Variants in PTPRF observed in about 807,000 individuals in gnomAD.
PTPRF encodes receptor-type tyrosine-protein phosphatase F.
In PTPRF, 59 loss-of-function variants were observed where a neutral mutation model predicts 201.8. That is an observed-to-expected ratio of 0.29 (90% CI 0.24 to 0.36). The LOEUF is 0.36. Ranked by LOEUF, PTPRF falls within the 10% of genes least tolerant of loss-of-function variation. The pLI, the probability that PTPRF is intolerant of heterozygous loss-of-function variation, is 1.00. For missense variants in PTPRF, 2,132 were observed against 2,690.5 expected, an observed-to-expected ratio of 0.79 and a Z score of 4.59; for synonymous variants, 1,088 against 1,089.7, an observed-to-expected ratio of 1.00 and a Z score of 0.03.
At chr1:43,564,508 G>A (rs1250916430) in intron 5 of PTPRF, among the ~76,000 whole-genome samples, 1 of 152,186 alleles carries the variant, frequency 6.6e-6, no homozygotes, top group Admixed American at 6.5e-5. Context: ...GCTTGCATGC[G>A]CCTGTTTCCA....
chr1:43,576,009 C>CTCCCCA (rs770431770), intron 6 of PTPRF: 1 of 1,277,470 alleles, frequency 7.8e-7, no homozygotes, highest in Admixed American at 2.1e-5. Flanking sequence ...AGTCTGTCAC[C>CTCCCCA]TCCCCATCCC....
intron 7 of PTPRF, among the ~76,000 whole-genome samples, chr1:43,580,794 T>TC (rs1195813043): frequency 6.6e-6 from 1 of 152,222 alleles, no homozygotes; most frequent in Non-Finnish European, 1.5e-5. Flanking sequence ...GAGTGGCAGT[T>TC]CCAGGCCTCA....
intron 21 of PTPRF, among the ~76,000 whole-genome samples, chr1:43,608,080 T>A (rs1487335681): frequency 6.6e-6 from 1 of 152,224 alleles, no homozygotes; most frequent in Non-Finnish European, 1.5e-5. Flanking sequence ...AAGAGTCCAC[T>A]CCTTCCTCCC....
chr1:43,526,343 C>T (rs1372557551), upstream of PTPRF, among the ~76,000 whole-genome samples: 1 of 152,076 alleles, frequency 6.6e-6, no homozygotes, highest in African/African-American at 2.4e-5. Context: ...TGCTGTAATC[C>T]CAGCGCTTTG....
Position 43,605,354 on chromosome 1 carries a change from G to T in PTPRF, c.3300G>T (p.Leu1100=). The change falls in exon 18 of 34, where the codon CTG becomes CTT. Residue 1100 remains leucine, a synonymous_variant. Transcript: ENST00000359947. ...CCATCCGCACAGCCCCCGACCTCCT[G>T]CCTCACAAGCCGCTGCCTGCCTCTG... The part of the protein sequence containing the change: ...LVSIRTAPDL[L]PHKPLPASAY... 6.2e-7 allele frequency: 1 copy of T among 1,613,878 alleles called. No individual in the cohort carries two copies. Among genetic ancestry groups the T allele is most frequent in the Non-Finnish European group, 8.5e-7 (1 of 1,179,980 alleles).
Position 43,582,082 on chromosome 1 carries a change from G to A in PTPRF, c.679+3162G>A, listed in dbSNP as rs75380754. On this transcript the variant is annotated intron_variant, in intron 7 of 33. Transcript: ENST00000359947. ...CTGTGTCCACTGGCCGCAAGGCTTC[G>A]TCTCCTCATCAGACTTGGCTTCGGT... Among the ~76,000 whole-genome samples the A allele has an allele frequency of 3.5e-3, 526 of 152,306 alleles. 1 individual carries two copies. The highest frequency in any genetic ancestry group is 0.012 in the African/African-American group (495 of 41,572).
chr1:43,556,098 A>C (rs974500677), intron 5 of PTPRF, among the ~76,000 whole-genome samples: 3 of 152,226 alleles, frequency 2.0e-5, no homozygotes, highest in African/African-American at 7.2e-5. Context: ...TGCCAAGTTA[A>C]TAGGCAAAAA....
At position 43,588,010 on chromosome 1, in the gene PTPRF, G is replaced by A. The variant is rs1316668420; in HGVS notation, c.680-721G>A. On this transcript the variant is annotated intron_variant, in intron 7 of 33. Coordinates refer to ENST00000359947, the MANE Select transcript of PTPRF (RefSeq NM_002840.5). The surrounding 1 kb of genome is among the most constrained non-coding windows in gnomAD (Gnocchi z 5.3). ...TGTTGGCGCAGGAAGCCGTCTGTTCGGCGCCCTCATCATGTTACTGCCATC... is the reference window on the plus strand; with the variant it reads ...TGTTGGCGCAGGAAGCCGTCTGTTCAGCGCCCTCATCATGTTACTGCCATC... 1.3e-5 allele frequency among the ~76,000 whole-genome samples: 2 copies of A among 152,118 alleles called. No individual in the cohort carries two copies. Among genetic ancestry groups the A allele is most frequent in the Non-Finnish European group, 2.9e-5 (2 of 68,004 alleles).
At chr1:43,613,481 G>C in intron 22 of PTPRF, 137 bp from the exon 23 acceptor site, 1 of 741,476 alleles carries the variant, frequency 1.3e-6, no homozygotes, top group Non-Finnish European at 2.5e-6. Context: ...CGCATGTGCT[G>C]CTGTCTCCAT....
chr1:43,596,189 G>A (rs116437298), intron 11 of PTPRF, among the ~76,000 whole-genome samples: 1 of 152,168 alleles, frequency 6.6e-6, no homozygotes, highest in Admixed American at 6.5e-5. Flanking sequence ...AGGAGCTGGC[G>A]AGCAGGCTCA....
upstream of PTPRF, among the ~76,000 whole-genome samples, chr1:43,522,189 T>G (rs1360896772): frequency 6.6e-6 from 1 of 152,104 alleles, no homozygotes; most frequent in Non-Finnish European, 1.5e-5. Flanking sequence ...CATCTCAGGG[T>G]CTTCTTCTGG....
In PTPRF at chr1:43,605,630, G is replaced by A. The variant is rs1487225489; in HGVS notation, c.3483+8G>A. Reference sequence around the variant, plus strand: ...GAACTGGAGCTGGACGAGGTACCTGGGGAGGGGATGGGGACACTGACAGCC... The same window carrying A: ...GAACTGGAGCTGGACGAGGTACCTGAGGAGGGGATGGGGACACTGACAGCC... On this transcript the variant is annotated splice_region_variant and intron_variant, in intron 19 of 33. Coordinates refer to ENST00000359947, the MANE Select transcript of PTPRF (RefSeq NM_002840.5). The A allele has an allele frequency of 2.5e-6, 4 of 1,613,230 alleles. No homozygotes were observed. In the South Asian group the frequency reaches 4.4e-5, roughly 18 times the overall value.
At chr1:43,572,601 C>T (rs771941728) in intron 6 of PTPRF, among the ~76,000 whole-genome samples, 1 of 152,208 alleles carries the variant, frequency 6.6e-6, no homozygotes, top group Admixed American at 6.5e-5. Context: ...AAGGCTATTC[C>T]GTGCACATTT....
intron 2 of PTPRF, among the ~76,000 whole-genome samples, chr1:43,543,778 C>T (rs1365564805): frequency 2.6e-5 from 4 of 151,944 alleles, no homozygotes; most frequent in Non-Finnish European, 4.4e-5. Context: ...CACAACTCCC[C>T]TATCAAAGTC....
intron 33 of PTPRF, among the ~76,000 whole-genome samples, chr1:43,621,534 A>C (rs914707628): frequency 6.6e-6 from 1 of 152,148 alleles, no homozygotes; most frequent in African/African-American, 2.4e-5. Flanking sequence ...CAAAACAAAA[A>C]TGCTGCAACA....
rs961142063 is a variant in PTPRF, at chr1:43,546,869, C to T, written c.91+1703C>T. Among the ~76,000 whole-genome samples, 2 of 152,200 alleles carry T rather than the reference C, an allele frequency of 1.3e-5. No individual in the cohort carries two copies. Among genetic ancestry groups the T allele is most frequent in the African/African-American group, 4.8e-5 (2 of 41,446 alleles). ...CCACATCTAATCCATCACCAAGCTC[C>T]GTTGCTTCTACCTTCTGAATATCTT... is the stretch of plus-strand genomic sequence containing the variant. On this transcript the variant is annotated intron_variant, in intron 3 of 33. Coordinates refer to ENST00000359947, the MANE Select transcript of PTPRF (RefSeq NM_002840.5). This position sits in a 1 kb window ranked among gnomAD's most constrained non-coding sequence, Gnocchi z 4.2.
chr1:43,617,966 G>T, intron 25 of PTPRF, 55 bp downstream of exon 25: 3 of 1,537,382 alleles, frequency 2.0e-6, no homozygotes, highest in Non-Finnish European at 2.7e-6. Flanking sequence ...GCCACAAGGT[G>T]ATACAGGGCA....
intron 7 of PTPRF, among the ~76,000 whole-genome samples, chr1:43,584,346 G>A (rs895238765): frequency 3.9e-5 from 6 of 152,220 alleles, no homozygotes; most frequent in African/African-American, 1.4e-4. Flanking sequence ...CGAGAGGAGG[G>A]CTATAGCCTA....
At chr1:43,564,200 T>C (rs961860995) in intron 5 of PTPRF, among the ~76,000 whole-genome samples, 2 of 152,012 alleles carry the variant, frequency 1.3e-5, no homozygotes, top group Non-Finnish European at 2.9e-5. Flanking sequence ...CCTGGAAGCC[T>C]GGGGGTGGGG....
Sources: gnomAD v4.1 joint callset for allele counts (sites outside exome capture counted in the v4.1 genomes callset) on GRCh38, gnomAD v4.1.1 for gene constraint, Gnocchi (gnomAD v3.1) non-coding constraint, MANE v1.5 for transcripts, NCBI Gene and HGNC (gene_info 2026-07-23, HGNC 2026-07-21) for gene names.